CNIH1: variants seen among roughly 807,000 people sequenced by gnomAD.
CNIH1 encodes cornichon family member 1, also known as protein cornichon homolog 1.
A neutral mutation model predicts 20.2 loss-of-function variants in CNIH1; 12 were observed. That is an observed-to-expected ratio of 0.59 (90% CI 0.38 to 0.96). The LOEUF (loss-of-function observed/expected upper bound fraction) is 0.96. CNIH1 is among the 40% of genes least tolerant of loss of function. The pLI, the probability that CNIH1 is intolerant of heterozygous loss-of-function variation, is 0.00. For synonymous variants in CNIH1, 69 were observed against 63.3 expected (o/e 1.09, Z -0.43); for missense variants, 152 against 178.8 (o/e 0.85, Z 0.85).
chr14:54,439,339 G>A (rs990672879), intron 1 of CNIH1, among the ~76,000 whole-genome samples: 2 of 151,506 alleles, frequency 1.3e-5, no homozygotes, highest in South Asian at 2.1e-4. Flanking sequence ...ACCCAGACAC[G>A]CATTTGTTTA....
chr14:54,433,935 T>C (rs1429039575), intron 2 of CNIH1, among the ~76,000 whole-genome samples: 5 of 152,070 alleles, frequency 3.3e-5, no homozygotes, highest in Non-Finnish European at 5.9e-5. Flanking sequence ...TTACTACCCA[T>C]CTCTCTTAAA....
In CNIH1 at chr14:54,430,411, T is replaced by C. The variant is rs774806273; in HGVS notation, c.264-7A>G. 2 of 1,612,046 alleles carry C rather than the reference T, an allele frequency of 1.2e-6. No homozygotes were observed. The highest frequency in any genetic ancestry group is 1.3e-5 in the African/African-American group (1 of 74,998). On this transcript the variant is annotated splice_region_variant and splice_polypyrimidine_tract_variant and intron_variant, in intron 3 of 4. Coordinates refer to ENST00000216416, the MANE Select transcript of CNIH1 (RefSeq NM_005776.3). ...CACTGGTCTACTCATATACCTGGAA[T>C]AAACACAGTCTATTAGGCATTCAGA...
At chr14:54,440,687 A>C (rs1197998414) in intron 1 of CNIH1, among the ~76,000 whole-genome samples, 6 of 152,220 alleles carry the variant, frequency 3.9e-5, no homozygotes, top group Non-Finnish European at 8.8e-5. Context: ...AACTTGCATC[A>C]AAGTTCACCA....
intron 1 of CNIH1, among the ~76,000 whole-genome samples, chr14:54,440,997 C>A (rs941375407): frequency 3.3e-5 from 5 of 152,044 alleles, no homozygotes; most frequent in Admixed American, 2.6e-4. Flanking sequence ...GCCGCCCCAT[C>A]CAGTAGGGGA....
chr14:54,431,497 T>A (rs1022151959), intron 3 of CNIH1, among the ~76,000 whole-genome samples: 4 of 152,234 alleles, frequency 2.6e-5, no homozygotes, highest in Non-Finnish European at 5.9e-5. Context: ...AAATACTTCT[T>A]CAGTATATGT....
rs898606038 is a variant in CNIH1 at position 54,427,373 on chromosome 14, T to C, written c.*441A>G. The C allele has an allele frequency of 1.9e-5, 3 of 156,376 alleles. No individual in the cohort carries two copies. The highest frequency in any genetic ancestry group is 6.4e-5 in the Admixed American group (1 of 15,530). 9.7% of individuals were successfully genotyped at this position (156,376 alleles called of 1,614,324 possible). A position where few individuals can be genotyped will look rare whatever the true frequency, so the allele number is the denominator to read the frequency against. ...CATGAAGTTTCCCACTAGTCAGATATACATTTTCACTTCATCAGAAGCACC... is the reference window on the plus strand; with the variant it reads ...CATGAAGTTTCCCACTAGTCAGATACACATTTTCACTTCATCAGAAGCACC... On this transcript the variant is annotated 3_prime_UTR_variant, in exon 5 of 5. Transcript: ENST00000216416.
chr14:54,441,081 T>G (rs1164781360), intron 1 of CNIH1, among the ~76,000 whole-genome samples, 166 bp downstream of exon 1: 1 of 151,062 alleles, frequency 6.6e-6, no homozygotes, highest in Non-Finnish European at 1.5e-5. Context: ...CCCCGGCTCC[T>G]CCAGTACCCG....
intron 2 of CNIH1, among the ~76,000 whole-genome samples, chr14:54,435,669 G>A (rs2031040620): frequency 6.6e-6 from 1 of 152,104 alleles, no homozygotes; most frequent in African/African-American, 2.4e-5. Context: ...CTGAAAGAAT[G>A]ACTCATTTAT....
Position 54,430,286 on chromosome 14 carries a change from G to A in CNIH1, c.382C>T (p.Leu128=). ...EGWCKLAFYL[L]AFFYYLYGMI... ...CCATATAGGTAGTAAAAAAATGCTAGAAGATAAAAAGCTAATTTGCACCAT... is the reference window on the plus strand; with the variant it reads ...CCATATAGGTAGTAAAAAAATGCTAAAAGATAAAAAGCTAATTTGCACCAT... Residue 128 remains leucine (L), a synonymous_variant, in exon 4 of 5, where the codon CTA becomes TTA. Coordinates refer to ENST00000216416, the MANE Select transcript of CNIH1 (RefSeq NM_005776.3). 1 of 1,614,058 alleles carries A rather than the reference G, an allele frequency of 6.2e-7. No homozygotes were observed. The highest frequency in any genetic ancestry group is 8.5e-7 in the Non-Finnish European group (1 of 1,179,934).
chr14:54,426,137 C>T lies in CNIH1; in HGVS notation c.*1677G>A, dbSNP rs2030822864. 1 of 152,198 alleles carries T rather than the reference C, an allele frequency of 6.6e-6. No individual in the cohort carries two copies. The highest frequency in any genetic ancestry group is 6.5e-5 in the Admixed American group (1 of 15,268). 9.4% of individuals were successfully genotyped at this position (152,198 alleles called of 1,614,324 possible). ...CTCAATAAATAATTTGTTACATGAACTGACCAAGAGTCAGATCCCTCTAGT... is the reference window on the plus strand; with the variant it reads ...CTCAATAAATAATTTGTTACATGAATTGACCAAGAGTCAGATCCCTCTAGT... On this transcript the variant is annotated 3_prime_UTR_variant, in exon 5 of 5. Coordinates refer to ENST00000216416, the MANE Select transcript of CNIH1 (RefSeq NM_005776.3).
chr14:54,441,366 C>A lies in CNIH1; in HGVS notation c.-39G>T. ...GAGCGGGGAGCGGCGCCGTTGCCAGCGGAGAAAGGCGGCGCAGGGCCCTCT... is the reference window on the plus strand; with the variant it reads ...GAGCGGGGAGCGGCGCCGTTGCCAGAGGAGAAAGGCGGCGCAGGGCCCTCT... On this transcript the variant is annotated 5_prime_UTR_variant, in exon 1 of 5. Coordinates refer to ENST00000216416, the MANE Select transcript of CNIH1 (RefSeq NM_005776.3). 2.7e-6 allele frequency: 4 copies of A among 1,469,570 alleles called. No homozygotes were observed. The highest frequency in any genetic ancestry group is 1.5e-5 in the African/African-American group (1 of 68,686). The allele number at this position is 1,469,570 out of a possible 1,614,324, so 91.0% of individuals were successfully genotyped here.
intron 2 of CNIH1, chr14:54,436,090 T>C (rs1164646005): frequency 1.4e-6 from 1 of 702,372 alleles, no homozygotes; most frequent in Non-Finnish European, 2.6e-6. Flanking sequence ...TTTAATGCAA[T>C]TTTGACTCTT....
At chr14:54,440,645 C>T (rs2031150866) in intron 1 of CNIH1, among the ~76,000 whole-genome samples, 1 of 152,052 alleles carries the variant, frequency 6.6e-6, no homozygotes, top group Non-Finnish European at 1.5e-5. Context: ...GGGGGGGAAA[C>T]GCGCACATGC....
chr14:54,439,299 T>C (rs1185299879), intron 1 of CNIH1, among the ~76,000 whole-genome samples: 3 of 152,152 alleles, frequency 2.0e-5, no homozygotes, highest in Admixed American at 6.5e-5. Context: ...TTTTTTTCAT[T>C]GTATAACACG....
At chr14:54,436,829 G>C in intron 1 of CNIH1, 1 of 434,904 alleles carries the variant, frequency 2.3e-6, no homozygotes. Flanking sequence ...CTTTCTGCAG[G>C]CTTTCCTAAC....
chr14:54,437,594 A>C (rs887703272), intron 1 of CNIH1, among the ~76,000 whole-genome samples: 2 of 152,122 alleles, frequency 1.3e-5, no homozygotes, highest in Non-Finnish European at 2.9e-5. Flanking sequence ...CAGGGCCTAA[A>C]ATATAAAATA....
chr14:54,440,958 C>T (rs1180888857), intron 1 of CNIH1, among the ~76,000 whole-genome samples: 1 of 151,504 alleles, frequency 6.6e-6, no homozygotes, highest in Non-Finnish European at 1.5e-5. Context: ...GAACGCAGCG[C>T]GGAACCGCGG....
chr14:54,436,444 T>C lies in CNIH1; in HGVS notation c.82-7A>G, dbSNP rs369101586. The C allele has an allele frequency of 1.3e-4, 194 of 1,519,034 alleles. No homozygotes were observed. Among genetic ancestry groups the C allele is most frequent in the Non-Finnish European group, 1.7e-4 (184 of 1,096,268 alleles). 94.1% of individuals were successfully genotyped at this position (1,519,034 alleles called of 1,614,324 possible). A position where few individuals can be genotyped will look rare whatever the true frequency, so the allele number is the denominator to read the frequency against. ...GCTCATCAAATGCTATAATCTAAAA[T>C]AAAATTAAAACAGTTAGGACCACTC... On this transcript the variant is annotated splice_polypyrimidine_tract_variant and splice_region_variant and intron_variant, in intron 1 of 4. Coordinates refer to ENST00000216416, the MANE Select transcript of CNIH1 (RefSeq NM_005776.3).
chr14:54,432,015 T>C, intron 3 of CNIH1, 93 bp downstream of exon 3: 1 of 564,364 alleles, frequency 1.8e-6, no homozygotes. Flanking sequence ...CTTCCATTTT[T>C]ATGTAGGTGA....
Sources: gnomAD v4.1 joint callset for allele counts (sites outside exome capture counted in the v4.1 genomes callset) on GRCh38, gnomAD v4.1.1 for gene constraint, MANE v1.5 for transcripts, NCBI Gene and HGNC (gene_info 2026-07-23, HGNC 2026-07-21) for gene names.